CSMD1: variants seen among roughly 807,000 people sequenced by gnomAD.
CSMD1 encodes CUB and sushi domain-containing protein 1.
In CSMD1, 213 loss-of-function variants were observed where a neutral mutation model predicts 417.5. That is an observed-to-expected ratio of 0.51 (90% CI 0.46 to 0.57). The LOEUF (loss-of-function observed/expected upper bound fraction) is 0.57, where lower values mean the gene tolerates loss of function less well. Ranked by LOEUF, CSMD1 falls within the 20% of genes least tolerant of loss-of-function variation. The pLI is 0.00. For missense variants in CSMD1, 6,923 were observed against 4,529.7 expected (o/e 1.53, Z -15.17); for synonymous variants, 2,862 against 1,736.8 (o/e 1.65, Z -16.11).
chr8:4,802,364 TG>T (rs1798346392), intron 1 of CSMD1, among the ~76,000 whole-genome samples: 1 of 151,946 alleles, frequency 6.6e-6, no homozygotes, highest in Non-Finnish European at 1.5e-5. Context: ...TGTGTGTGTG[TG>T]TGTGTGTGTG....
intron 5 of CSMD1, among the ~76,000 whole-genome samples, chr8:3,781,162 A>G (rs960084087): frequency 6.6e-6 from 1 of 152,198 alleles, no homozygotes; most frequent in African/African-American, 2.4e-5. Flanking sequence ...CAAACAAGAC[A>G]AAGATTGGTG....
chr8:4,130,259 G>A (rs971057611), intron 3 of CSMD1, among the ~76,000 whole-genome samples: 1 of 152,244 alleles, frequency 6.6e-6, no homozygotes, highest in African/African-American at 2.4e-5. Flanking sequence ...AGCCAAGGAT[G>A]TCTATATTCA....
At chr8:3,901,735 G>C (rs953588908) in intron 5 of CSMD1, among the ~76,000 whole-genome samples, 1 of 152,182 alleles carries the variant, frequency 6.6e-6, no homozygotes, top group East Asian at 1.9e-4. Flanking sequence ...TCTTTATGTA[G>C]GCTTAACGCT....
chr8:4,242,031 C>A (rs1032722086), intron 3 of CSMD1, among the ~76,000 whole-genome samples: 1 of 152,070 alleles, frequency 6.6e-6, no homozygotes, highest in East Asian at 1.9e-4. Context: ...TGTTTTAATA[C>A]CTTTTGACTT....
intron 3 of CSMD1, among the ~76,000 whole-genome samples, chr8:4,112,348 G>A (rs761893367): frequency 1.1e-4 from 17 of 152,190 alleles, no homozygotes; most frequent in Non-Finnish European, 1.5e-5. Context: ...CTGTGATGAG[G>A]CTAGGGCTCC....
chr8:4,134,924 T>C (rs967127620), intron 3 of CSMD1, among the ~76,000 whole-genome samples: 2 of 152,184 alleles, frequency 1.3e-5, no homozygotes, highest in African/African-American at 4.8e-5. Flanking sequence ...TTTGCTAAAC[T>C]CTTCATCTCA....
In CSMD1 at chr8:3,930,707, G is replaced by GA. The variant is rs913878106; in HGVS notation, c.818+67195dup. On this transcript the variant is annotated intron_variant, in intron 5 of 69. Coordinates refer to ENST00000635120, the MANE Select transcript of CSMD1 (RefSeq NM_033225.6). ...GCAAGTGTACCCTTTCTGCAGAAAG[G>GA]AAAAAAATGGCCTTGTGAGGAAATT... Among the ~76,000 whole-genome samples, 13 of 150,318 alleles carry GA rather than the reference G, an allele frequency of 8.6e-5. 2 individuals are homozygous for GA. The highest frequency in any genetic ancestry group is 1.2e-4 in the African/African-American group (5 of 40,830).
At chr8:3,590,243 G>C (rs1015492083) in intron 8 of CSMD1, among the ~76,000 whole-genome samples, 1 of 152,074 alleles carries the variant, frequency 6.6e-6, no homozygotes, top group South Asian at 2.1e-4. Flanking sequence ...AGTATCACAA[G>C]TATCACAATA....
At position 4,566,204 on chromosome 8, in the gene CSMD1, G is replaced by C. The variant is rs113248238; in HGVS notation, c.302+71138C>G. Among the ~76,000 whole-genome samples, 35 of 152,152 alleles carry C rather than the reference G, an allele frequency of 2.3e-4. 1 individual carries two copies. Among genetic ancestry groups the C allele is most frequent in the Middle Eastern group, 3.4e-3 (1 of 294 alleles). On this transcript the variant is annotated intron_variant, in intron 2 of 69. Coordinates refer to ENST00000635120, the MANE Select transcript of CSMD1 (RefSeq NM_033225.6). The stretch of plus-strand genomic sequence containing the variant: ...GATCCATCTACAATAGACCATGCTA[G>C]TCAAAATGTATACATTCAACAATGT...
At chr8:3,281,287 A>C (rs1802715541) in intron 26 of CSMD1, among the ~76,000 whole-genome samples, 1 of 151,972 alleles carries the variant, frequency 6.6e-6, no homozygotes, top group Non-Finnish European at 1.5e-5. Flanking sequence ...GGCTAAAAAT[A>C]CAAAAAAATA....
intron 5 of CSMD1, among the ~76,000 whole-genome samples, chr8:3,962,724 T>G (rs1206037360): frequency 6.6e-6 from 1 of 152,074 alleles, no homozygotes; most frequent in African/African-American, 2.4e-5. Context: ...TGCAGACTCT[T>G]CGGGTTGGAC....
chr8:4,871,954 C>G (rs190491865), intron 1 of CSMD1, among the ~76,000 whole-genome samples: 4 of 152,046 alleles, frequency 2.6e-5, no homozygotes. Context: ...ATGGTCTGGA[C>G]CAAGCATAGG....
intron 3 of CSMD1, among the ~76,000 whole-genome samples, chr8:4,094,610 G>A (rs1363031527): frequency 9.9e-5 from 15 of 152,100 alleles, no homozygotes; most frequent in Admixed American, 9.8e-4. Flanking sequence ...GTAGGTCAGA[G>A]GAGAGGCGTG....
intron 3 of CSMD1, among the ~76,000 whole-genome samples, chr8:4,084,890 T>A (rs1293898482): frequency 2.0e-5 from 3 of 151,894 alleles, no homozygotes; most frequent in African/African-American, 2.4e-5. Flanking sequence ...TACATTCAGT[T>A]TAAAAAAGAA....
chr8:4,743,509 T>G (rs1343103874), intron 1 of CSMD1, among the ~76,000 whole-genome samples: 2 of 152,182 alleles, frequency 1.3e-5, no homozygotes, highest in East Asian at 3.9e-4. Context: ...ATGAACCTCC[T>G]GCTTTGAGTT....
chr8:3,029,965 T>C lies in CSMD1; in HGVS notation c.7661-452A>G, dbSNP rs1342851561. Reference sequence around the variant, plus strand: ...AGATGCCCTCATTTCTTCAAACCTATGAAACACACATATATAATATATCTA... The same window carrying C: ...AGATGCCCTCATTTCTTCAAACCTACGAAACACACATATATAATATATCTA... On this transcript the variant is annotated intron_variant, in intron 50 of 69. Coordinates refer to ENST00000635120, the MANE Select transcript of CSMD1 (RefSeq NM_033225.6). Among the ~76,000 whole-genome samples the C allele has an allele frequency of 3.3e-5, 5 of 152,152 alleles. 1 individual carries two copies. The highest frequency in any genetic ancestry group is 2.0e-4 in the Admixed American group (3 of 15,268).
chr8:3,811,423 G>A (rs1165381138), intron 5 of CSMD1, among the ~76,000 whole-genome samples: 3 of 152,284 alleles, frequency 2.0e-5, no homozygotes, highest in East Asian at 3.9e-4. Context: ...TTTGCTTCAT[G>A]TTCGACTTAC....
intron 1 of CSMD1, among the ~76,000 whole-genome samples, chr8:4,921,320 A>G (rs77008904): frequency 0.025 from 3,812 of 152,258 alleles, 164 homozygotes; most frequent in African/African-American, 0.087. Flanking sequence ...TATACTCAGG[A>G]AAATTCAAAT....
chr8:3,124,107 T>C (rs955891102), intron 41 of CSMD1, among the ~76,000 whole-genome samples: 1 of 152,190 alleles, frequency 6.6e-6, no homozygotes, highest in Non-Finnish European at 1.5e-5. Context: ...TTTTTTCTTT[T>C]CTCAATGGCA....
Sources: allele counts gnomAD v4.1 joint callset (sites outside exome capture counted in the v4.1 genomes callset), GRCh38; gene constraint gnomAD v4.1.1; transcripts MANE v1.5; gene names NCBI Gene and HGNC (gene_info 2026-07-23, HGNC 2026-07-21).